Variants in ZNF808 observed in about 807,000 individuals in gnomAD.
The protein encoded by ZNF808 is zinc finger protein 808.
ZNF808 carries 5 observed loss-of-function variants against 8.7 expected under a neutral mutation model. The ratio of observed to expected loss-of-function variants is 0.58; its 90% confidence interval spans 0.30 to 1.21. The LOEUF (loss-of-function observed/expected upper bound fraction) is 1.21, where lower values mean the gene tolerates loss of function less well. Ranked by LOEUF, ZNF808 falls within the 50% of genes most tolerant of loss-of-function variation. The pLI is 0.07. For missense variants in ZNF808, 1,103 were observed against 1,098.4 expected, an observed-to-expected ratio of 1.00 and a Z score of -0.06; for synonymous variants, 380 against 366.0, an observed-to-expected ratio of 1.04 and a Z score of -0.44.
At chr19:52,549,028 A>C (rs1052268754) in intron 4 of ZNF808, among the ~76,000 whole-genome samples, 1 of 151,982 alleles carries the variant, frequency 6.6e-6, no homozygotes, top group Non-Finnish European at 1.5e-5. Flanking sequence ...GCTCAAGTGC[A>C]GTGCAGTGGT....
At chr19:52,533,843 C>CAA (rs919374020) in intron 2 of ZNF808, among the ~76,000 whole-genome samples, 1,055 of 30,394 alleles carry the variant, frequency 0.035, 71 homozygotes, top group Non-Finnish European at 0.041. Context: ...ACTCCGTCTC[C>CAA]AAAAAAAAAA....
chr19:52,555,049 G>A lies in ZNF808; in HGVS notation c.2133G>A (p.Glu711=). Residue 711 remains glutamate (E), a synonymous_variant, in exon 5 of 5, where the codon GAG becomes GAA. Transcript: ENST00000359798. ...GAATGAAACCTTACAAGTGTAATGA[G>A]TGCAGCAAGACCTTCAGTAACAGGT... ...HSGMKPYKCN[E]CSKTFSNRSS... 1.9e-6 allele frequency: 3 copies of A among 1,613,724 alleles called. No individual in the cohort carries two copies. Among genetic ancestry groups the A allele is most frequent in the Non-Finnish European group, 8.5e-7 (1 of 1,179,930 alleles).
chr19:52,539,548 GTTTTTTTTTTTT>G (rs71180473), intron 2 of ZNF808, among the ~76,000 whole-genome samples: 2 of 51,966 alleles, frequency 3.8e-5, no homozygotes, highest in African/African-American at 2.0e-4. Context: ...TGTTGTGGTG[GTTTTTTTTTTTT>G]TTTTTTTTTT....
chr19:52,547,880 C>T (rs1373134281), intron 4 of ZNF808, among the ~76,000 whole-genome samples: 1 of 151,806 alleles, frequency 6.6e-6, no homozygotes, highest in Non-Finnish European at 1.5e-5. Context: ...GCTGGGATTA[C>T]AGGCATGCGC....
rs554515340 is a variant in ZNF808, at chr19:52,554,311, G to T, written c.1395G>T (p.Thr465=). 3.1e-6 allele frequency: 5 copies of T among 1,613,922 alleles called. No individual in the cohort carries two copies. In the Admixed American group the frequency reaches 8.3e-5, roughly 27 times the overall value. The stretch of plus-strand genomic sequence containing the variant: ...GTAAGGTTTGTGATACAGCTTTCAC[G>T]TGTAATTCACAGCTGGCACGACATA... ...YKCKVCDTAF[T]CNSQLARHRR... is the part of the protein sequence containing the mutation. The change falls in exon 5 of 5, where the codon ACG becomes ACT. Residue 465 remains threonine (T), a synonymous_variant. Transcript: ENST00000359798.
At position 52,527,702 on chromosome 19, in the gene ZNF808, C is replaced by CGTCGCCATGGTGAGTTTT. The variant is rs1244539891; in HGVS notation, c.-129_-122+10dup. 6.4e-6 allele frequency: 1 copy of CGTCGCCATGGTGAGTTTT among 157,154 alleles called. No individual in the cohort carries two copies. Among genetic ancestry groups the CGTCGCCATGGTGAGTTTT allele is most frequent in the Admixed American group, 6.4e-5 (1 of 15,554 alleles). 9.7% of individuals were successfully genotyped at this position (157,154 alleles called of 1,614,324 possible). The stretch of plus-strand genomic sequence containing the variant: ...AGCGGATCGGGTGGAGTGAAGGTCA[C>CGTCGCCATGGTGAGTTTT]GTCGCCATGGTGAGTTTTGCTCTGT... On this transcript the variant is annotated 5_prime_UTR_variant, in exon 1 of 5. It adds an upstream start codon to the 5' untranslated region. Transcript: ENST00000359798.
intron 2 of ZNF808, among the ~76,000 whole-genome samples, chr19:52,539,885 C>G (rs1244841869): frequency 1.3e-5 from 2 of 151,832 alleles, no homozygotes; most frequent in Admixed American, 1.3e-4. Flanking sequence ...TTTACTGTTT[C>G]CCAGGCTGGA....
In ZNF808 at chr19:52,554,629, A is replaced by G. The variant is rs1202235234; in HGVS notation, c.1713A>G (p.Glu571=). The G allele has an allele frequency of 2.5e-6, 4 of 1,613,796 alleles. No individual in the cohort carries two copies. Among genetic ancestry groups the G allele is most frequent in the Middle Eastern group, 1.7e-4 (1 of 6,060 alleles). Residue 571 remains glutamate, a synonymous_variant, in exon 5 of 5, where the codon GAA becomes GAG. Coordinates refer to ENST00000359798, the MANE Select transcript of ZNF808 (RefSeq NM_001039886.4). ...CAAAGAAACCTTACAAGTGTAATGAATGTGGGAAAGCTTTTAATCAACAAT... is the reference window on the plus strand; with the variant it reads ...CAAAGAAACCTTACAAGTGTAATGAGTGTGGGAAAGCTTTTAATCAACAAT... The part of the protein sequence containing the change: ...HTAKKPYKCN[E]CGKAFNQQSH...
intron 3 of ZNF808, among the ~76,000 whole-genome samples, chr19:52,562,779 CT>C (rs34087948): frequency 0.33 from 48,893 of 148,068 alleles, 8,229 homozygotes; most frequent in African/African-American, 0.41. Context: ...TTAGTCAATT[CT>C]TTTTTTTTTT....
At chr19:52,561,312 T>C (rs191160161), downstream of ZNF808, among the ~76,000 whole-genome samples, 2 of 151,672 alleles carry the variant, frequency 1.3e-5, no homozygotes, top group Admixed American at 6.6e-5. Flanking sequence ...CATGTATACA[T>C]GTTCCATGTT....
chr19:52,537,240 G>A (rs954783821), intron 2 of ZNF808, among the ~76,000 whole-genome samples: 4 of 152,056 alleles, frequency 2.6e-5, no homozygotes, highest in Non-Finnish European at 5.9e-5. Context: ...GGTGGAAGAG[G>A]AGTAATAGAG....
chr19:52,543,148 TGCAGTGG>T (rs1314651300), intron 2 of ZNF808, 111 bp from the exon 3 acceptor site: 14 of 983,080 alleles, frequency 1.4e-5, no homozygotes, highest in Non-Finnish European at 2.1e-5. Flanking sequence ...TGATCTCTGG[TGCAGTGG>T]GCAGTGGGGG....
rs1156536712 is a variant in ZNF808 at position 52,553,113 on chromosome 19, C to T, written c.197C>T (p.Ser66Phe). 1 of 1,552,030 alleles carries T rather than the reference C, an allele frequency of 6.4e-7. No individual in the cohort carries two copies. The highest frequency in any genetic ancestry group is 1.4e-5 in the African/African-American group (1 of 72,380). ...NYRNLEAVDI[S>F]SKHMMKEVLS... ...TGGTGTTTATATTTTGTAGATATCT[C>T]TTCCAAACACATGATGAAGGAGGTC... is the stretch of plus-strand genomic sequence containing the variant. The change falls in exon 5 of 5, where the codon TCT becomes TTT. Residue 66 changes from serine to phenylalanine, a missense_variant. Ser to Phe is a radical substitution (Grantham distance 155). Transcript: ENST00000359798.
chr19:52,534,014 GC>G (rs1438206767), intron 2 of ZNF808, among the ~76,000 whole-genome samples: 1 of 152,090 alleles, frequency 6.6e-6, no homozygotes, highest in Non-Finnish European at 1.5e-5. Flanking sequence ...CTAGTGGAAT[GC>G]AGGTGCAACT....
intron 4 of ZNF808, among the ~76,000 whole-genome samples, chr19:52,548,719 CT>C (rs1175418168): frequency 3.9e-5 from 6 of 152,320 alleles, no homozygotes; most frequent in Non-Finnish European, 1.5e-5. Flanking sequence ...GCCACAGCCC[CT>C]GGCCCATCCG....
At chr19:52,561,158 TTCTCTCTCTCTCTCTCTCTCTCTCTCTC>T (rs1191860993), downstream of ZNF808, among the ~76,000 whole-genome samples, 4 of 52,706 alleles carry the variant, frequency 7.6e-5, no homozygotes, top group Admixed American at 5.1e-4. Context: ...CTTCTATCTG[TTCTCTCTCTCTCTCTCTCTCTCTCTCTC>T]TCTCTCTCTC....
At chr19:52,561,158 TTCTCTCTC>T (rs1191860993), downstream of ZNF808, among the ~76,000 whole-genome samples, 1,085 of 51,500 alleles carry the variant, frequency 0.021, 14 homozygotes, top group Non-Finnish European at 0.025. Context: ...CTTCTATCTG[TTCTCTCTC>T]TCTCTCTCTC....
chr19:52,531,833 C>T (rs1424221901), intron 1 of ZNF808, among the ~76,000 whole-genome samples: 1 of 152,054 alleles, frequency 6.6e-6, no homozygotes, highest in Non-Finnish European at 1.5e-5. Flanking sequence ...TGTAACTGTA[C>T]TTGTGACATT....
intron 2 of ZNF808, among the ~76,000 whole-genome samples, chr19:52,538,583 G>A (rs1335977367): frequency 6.7e-5 from 10 of 148,832 alleles, no homozygotes; most frequent in African/African-American, 2.5e-4. Context: ...AGCTGAGATC[G>A]CACCATTGTA....
Sources: gnomAD v4.1 joint callset for allele counts (sites outside exome capture counted in the v4.1 genomes callset) on GRCh38, gnomAD v4.1.1 for gene constraint, MANE v1.5 for transcripts, NCBI Gene and HGNC (gene_info 2026-07-23, HGNC 2026-07-21) for gene names.